PMM2: variants seen among roughly 807,000 people sequenced by gnomAD.
PMM2 encodes the protein phosphomannomutase 2.
A neutral mutation model predicts 33.2 loss-of-function variants in PMM2; 35 were observed. The observed-to-expected ratio is 1.06, with a 90% confidence interval of 0.81 to 1.40. The LOEUF is 1.40. Ranked by LOEUF, PMM2 falls within the 40% of genes most tolerant of loss-of-function variation. The probability of loss-of-function intolerance (pLI) is 0.00; values close to 1 mark genes in which losing one functional copy is unlikely to be tolerated. For missense variants in PMM2, 386 were observed against 306.0 expected, an observed-to-expected ratio of 1.26 and a Z score of -1.95; for synonymous variants, 153 against 114.7, an observed-to-expected ratio of 1.33 and a Z score of -2.13.
In PMM2 at chr16:8,831,138, C is replaced by CA. The variant is rs537256705; in HGVS notation, c.640-16581dup. The stretch of plus-strand genomic sequence containing the variant: ...TGGTGACAGAGTGAGACTCCGTCTC[C>CA]AAAAACAAAAAAAACAAAGTTGAAC... On this transcript the variant is annotated intron_variant, in intron 7 of 7. Transcript: ENST00000268261. 5.7e-3 allele frequency among the ~76,000 whole-genome samples: 863 copies of CA among 151,180 alleles called. 12 individuals are homozygous for CA. Among genetic ancestry groups the CA allele is most frequent in the African/African-American group, 0.02 (818 of 40,880 alleles).
rs753794337 is a variant in PMM2, at chr16:8,847,795, G to A, written c.711G>A (p.Thr237=). 3.1e-6 allele frequency: 5 copies of A among 1,613,806 alleles called. No homozygotes were observed. The Admixed American group carries it at 5.0e-5, about 16-fold the overall frequency. ...ACTCCGTGACAGCGCCTGAGGACAC[G>A]CGCAGGATCTGTGAACTGCTGTTCT... The part of the protein sequence containing the change: ...MGYSVTAPED[T]RRICELLFS The change falls in exon 8 of 8, where the codon ACG becomes ACA. Residue 237 remains threonine, a synonymous_variant. Coordinates refer to ENST00000268261, the MANE Select transcript of PMM2 (RefSeq NM_000303.3).
intron 7 of PMM2, among the ~76,000 whole-genome samples, chr16:8,843,172 G>A (rs995956936): frequency 6.6e-6 from 1 of 152,264 alleles, no homozygotes; most frequent in South Asian, 2.1e-4. Flanking sequence ...AAGCCTGGCC[G>A]TCCATACCCA....
At chr16:8,846,585 C>G (rs797010595) in intron 7 of PMM2, among the ~76,000 whole-genome samples, 4 of 152,242 alleles carry the variant, frequency 2.6e-5, no homozygotes, top group African/African-American at 9.6e-5. Context: ...AACTCAGGCA[C>G]AGGACCCCAG....
intron 7 of PMM2, among the ~76,000 whole-genome samples, chr16:8,847,400 G>A (rs2060933883): frequency 6.8e-6 from 1 of 147,776 alleles, no homozygotes; most frequent in East Asian, 2.0e-4. Context: ...AAAACTGATG[G>A]CTGTGAGAAT....
chr16:8,797,964 C>T lies in PMM2; in HGVS notation c.66+16C>T, dbSNP rs1485485039. 1.9e-6 allele frequency: 3 copies of T among 1,589,570 alleles called. No individual in the cohort carries two copies. The highest frequency in any genetic ancestry group is 1.1e-5 in the South Asian group (1 of 87,926). ...CCCGCGGCAGGTAAGTGGCGGCCGG[C>T]GGGCTGCTGGCAGCCGACGCGGAGC... On this transcript the variant is annotated intron_variant, in intron 1 of 7. Coordinates refer to ENST00000268261, the MANE Select transcript of PMM2 (RefSeq NM_000303.3).
chr16:8,804,044 T>TTTTTTC, intron 2 of PMM2, among the ~76,000 whole-genome samples: 1 of 142,094 alleles, frequency 7.0e-6, no homozygotes, highest in Non-Finnish European at 1.5e-5. Context: ...TTTTTTTTTT[T>TTTTTTC]TTTTTTTGAC....
chr16:8,809,841 C>G (rs151216604), intron 4 of PMM2: 1 of 151,994 alleles, frequency 6.6e-6, no homozygotes, highest in Non-Finnish European at 1.5e-5. Context: ...GACGGGGTCT[C>G]CCTCTGTTAC....
At chr16:8,815,651 C>A (rs2060704022) in intron 7 of PMM2, among the ~76,000 whole-genome samples, 1 of 152,146 alleles carries the variant, frequency 6.6e-6, no homozygotes, top group African/African-American at 2.4e-5. Flanking sequence ...TCTCTGAGAT[C>A]CTGACTTCGT....
chr16:8,823,132 T>G (rs891791652), intron 7 of PMM2, among the ~76,000 whole-genome samples: 3 of 152,212 alleles, frequency 2.0e-5, no homozygotes, highest in Non-Finnish European at 1.5e-5. Context: ...AACAGCTGTT[T>G]CCATTATCAA....
At chr16:8,846,093 C>A (rs886865493) in intron 7 of PMM2, among the ~76,000 whole-genome samples, 4 of 152,196 alleles carry the variant, frequency 2.6e-5, no homozygotes, top group African/African-American at 9.7e-5. Flanking sequence ...TCCCAAGTGG[C>A]TGGACTGGAA....
At chr16:8,845,304 C>T (rs12929774) in intron 7 of PMM2, among the ~76,000 whole-genome samples, 2,726 of 152,090 alleles carry the variant, frequency 0.018, 53 homozygotes, top group Non-Finnish European at 0.026. Flanking sequence ...TTGATCAGTT[C>T]GGGTGGGGCA....
intron 7 of PMM2, among the ~76,000 whole-genome samples, chr16:8,823,589 A>G (rs1437282265): frequency 6.7e-6 from 1 of 148,428 alleles, no homozygotes; most frequent in East Asian, 1.9e-4. Context: ...TGTTTGCCAG[A>G]TAGGCTGTTT....
At chr16:8,833,617 T>C (rs1336879773) in intron 7 of PMM2, among the ~76,000 whole-genome samples, 5 of 150,258 alleles carry the variant, frequency 3.3e-5, no homozygotes, top group African/African-American at 9.8e-5. Flanking sequence ...GAACCTAGAG[T>C]GGGAGAGATT....
intron 7 of PMM2, among the ~76,000 whole-genome samples, chr16:8,817,152 T>C (rs1481192290): frequency 6.6e-6 from 1 of 152,244 alleles, no homozygotes; most frequent in African/African-American, 2.4e-5. Flanking sequence ...AGAAAGATCT[T>C]GTTCTAAATC....
In PMM2 at chr16:8,801,822, C is replaced by T; in HGVS notation, c.90C>T (p.Asp30=). The T allele has an allele frequency of 6.2e-7, 1 of 1,610,108 alleles. No homozygotes were observed. Among genetic ancestry groups the T allele is most frequent in the South Asian group, 1.1e-5 (1 of 90,786 alleles). Residue 30 remains aspartate, a synonymous_variant, in exon 2 of 8, where the codon GAC becomes GAT. Transcript: ENST00000268261. ...PRQKITKEMD[D]FLQKLRQKIK... ...AGAAAATTACCAAAGAAATGGATGACTTCCTACAAAAATTGAGGCAGAAGA... is the reference window on the plus strand; with the variant it reads ...AGAAAATTACCAAAGAAATGGATGATTTCCTACAAAAATTGAGGCAGAAGA...
intron 4 of PMM2, chr16:8,810,330 T>C (rs1048524430): frequency 4.6e-5 from 7 of 152,330 alleles, no homozygotes; most frequent in African/African-American, 1.7e-4. Context: ...AAAATAGATG[T>C]CTGGTACATG....
chr16:8,813,211 C>T (rs1318515368), intron 7 of PMM2, 105 bp downstream of exon 7: 1 of 788,398 alleles, frequency 1.3e-6, no homozygotes, highest in African/African-American at 1.7e-5. Context: ...CCCACCCGCC[C>T]TGCTCAAACT....
In PMM2 at chr16:8,847,831, G is replaced by C. The variant is rs766560696; in HGVS notation, c.*6G>C. On this transcript the variant is annotated 3_prime_UTR_variant, in exon 8 of 8. Coordinates refer to ENST00000268261, the MANE Select transcript of PMM2 (RefSeq NM_000303.3). ...GTGAACTGCTGTTCTCCTAACGTGG[G>C]AGCGGGAGGGGCGGGGTCCCGGCTG... is the stretch of plus-strand genomic sequence containing the variant. 6.2e-7 allele frequency: 1 copy of C among 1,606,106 alleles called. No homozygotes were observed. The highest frequency in any genetic ancestry group is 1.1e-5 in the South Asian group (1 of 90,916).
At chr16:8,811,614 T>C (rs764948785) in intron 5 of PMM2, 24 bp from the exon 6 acceptor site, 1 of 1,454,044 alleles carries the variant, frequency 6.9e-7, no homozygotes, top group Admixed American at 1.7e-5. Flanking sequence ...CAAGAAACAA[T>C]TGGTATCTTT....
Sources: gnomAD v4.1 joint callset for allele counts (sites outside exome capture counted in the v4.1 genomes callset) on GRCh38, gnomAD v4.1.1 for gene constraint, MANE v1.5 for transcripts, NCBI Gene and HGNC (gene_info 2026-07-23, HGNC 2026-07-21) for gene names.